Variants in MTMR14 observed in about 807,000 individuals in gnomAD.
MTMR14 encodes the protein phosphatidylinositol-3,5-bisphosphate 3-phosphatase MTMR14.
MTMR14 carries 48 observed loss-of-function variants against 86.3 expected under a neutral mutation model. The observed-to-expected ratio is 0.56, with a 90% CI of 0.44 to 0.71. The LOEUF is 0.71. Ranked by LOEUF, MTMR14 falls within the 30% of genes least tolerant of loss-of-function variation. The pLI, the probability that MTMR14 is intolerant of heterozygous loss-of-function variation, is 0.00. For missense variants in MTMR14, 780 were observed against 834.6 expected (o/e 0.93, Z 0.81); for synonymous variants, 366 against 326.1 (o/e 1.12, Z -1.32).
chr3:9,662,456 T>C (rs2047997086), intron 3 of MTMR14, 81 bp downstream of exon 3: 1 of 1,160,390 alleles, frequency 8.6e-7, no homozygotes, highest in African/African-American at 1.5e-5. Flanking sequence ...GGTCTTTTTT[T>C]CCCTCAACAT....
At chr3:9,650,309 C>T (rs953265168) in intron 1 of MTMR14, 1 of 456,384 alleles carries the variant, frequency 2.2e-6, no homozygotes, top group Non-Finnish European at 4.4e-6. Flanking sequence ...TTTTTGCTCC[C>T]TTTGGGATTT....
chr3:9,673,422 T>C (rs1574999360), intron 7 of MTMR14, among the ~76,000 whole-genome samples: 1 of 152,214 alleles, frequency 6.6e-6, no homozygotes, highest in African/African-American at 2.4e-5. Flanking sequence ...GTTGGTCTAG[T>C]GTGTAGCATT....
intron 1 of MTMR14, among the ~76,000 whole-genome samples, chr3:9,650,989 C>T (rs527938859): frequency 6.6e-6 from 1 of 152,260 alleles, no homozygotes; most frequent in South Asian, 2.1e-4. Flanking sequence ...GGAGTTTCCC[C>T]AGGTTGGCCA....
At chr3:9,664,851 G>C (rs1296961350) in intron 3 of MTMR14, among the ~76,000 whole-genome samples, 2 of 152,132 alleles carry the variant, frequency 1.3e-5, no homozygotes, top group African/African-American at 2.4e-5. Flanking sequence ...TAGTACAACA[G>C]GGTGACTGCA....
chr3:9,671,262 C>T, intron 6 of MTMR14, 92 bp downstream of exon 6: 1 of 1,568,978 alleles, frequency 6.4e-7, no homozygotes, highest in Non-Finnish European at 8.7e-7. Context: ...TGCGTGCTGG[C>T]CTTCTTACAA....
chr3:9,664,240 C>T (rs1291928670), intron 3 of MTMR14, among the ~76,000 whole-genome samples: 1 of 149,760 alleles, frequency 6.7e-6, no homozygotes, highest in East Asian at 1.9e-4. Context: ...ATTCGAAATA[C>T]TGCATACTAG....
intron 2 of MTMR14, among the ~76,000 whole-genome samples, chr3:9,658,689 A>G (rs140593413): frequency 1.2e-3 from 187 of 152,266 alleles, no homozygotes; most frequent in African/African-American, 3.7e-3. Context: ...TCATCTGTAA[A>G]ATTGGGTAAG....
intron 1 of MTMR14, 70 bp downstream of exon 1, chr3:9,649,812 C>T: frequency 1.3e-6 from 2 of 1,591,986 alleles, no homozygotes; most frequent in South Asian, 2.3e-5. Context: ...AGGCTGAGGC[C>T]AGGGGTCAGA....
intron 5 of MTMR14, 136 bp downstream of exon 5, chr3:9,669,628 C>A: frequency 1.1e-6 from 1 of 871,554 alleles, no homozygotes; most frequent in Non-Finnish European, 1.7e-6. Flanking sequence ...CTTCTGTCTG[C>A]CAAGTCTGTG....
chr3:9,690,321 T>C (rs115679775), intron 17 of MTMR14, among the ~76,000 whole-genome samples, 178 bp downstream of exon 17: 5,519 of 152,028 alleles, frequency 0.036, 156 homozygotes, highest in Non-Finnish European at 0.056. Flanking sequence ...ATTTGTAGAG[T>C]GGTTTGAGAC....
Position 9,680,824 on chromosome 3 carries a change from G to A in MTMR14, c.898-2354G>A, listed in dbSNP as rs183432091. On this transcript the variant is annotated intron_variant, in intron 9 of 18. Transcript: ENST00000296003. ...TACACTCCAGCCTGGGCGACAGAGC[G>A]AGACTCCGTCTCAAAAAAACAAACA... Among the ~76,000 whole-genome samples the A allele has an allele frequency of 2.8e-4, 42 of 152,086 alleles. 1 individual carries two copies. Among genetic ancestry groups the A allele is most frequent in the South Asian group, 8.3e-4 (4 of 4,830 alleles).
intron 6 of MTMR14, 84 bp from the exon 7 acceptor site, chr3:9,672,601 T>C: frequency 8.3e-7 from 1 of 1,208,798 alleles, no homozygotes; most frequent in Non-Finnish European, 1.2e-6. Flanking sequence ...AAGCTTCATT[T>C]GTGATTATAA....
intron 17 of MTMR14, among the ~76,000 whole-genome samples, chr3:9,696,672 T>G (rs1320042537): frequency 2.0e-5 from 3 of 152,128 alleles, no homozygotes; most frequent in Admixed American, 6.6e-5. Flanking sequence ...CGGTGACCAG[T>G]CGGGCTGTCA....
intron 15 of MTMR14, 73 bp from the exon 16 acceptor site, chr3:9,688,871 G>A: frequency 6.3e-7 from 1 of 1,598,442 alleles, no homozygotes; most frequent in Non-Finnish European, 8.6e-7. Context: ...TCCCAGTTAT[G>A]TGGTATAGAA....
intron 2 of MTMR14, among the ~76,000 whole-genome samples, chr3:9,657,316 C>T (rs545770764): frequency 1.1e-4 from 16 of 152,336 alleles, no homozygotes; most frequent in African/African-American, 2.6e-4. Context: ...CATATTCTAA[C>T]AAGCTCTCAG....
intron 13 of MTMR14, among the ~76,000 whole-genome samples, chr3:9,687,529 T>G (rs1213457802): frequency 6.6e-6 from 1 of 151,456 alleles, no homozygotes; most frequent in African/African-American, 2.4e-5. Context: ...CACTCCAGCC[T>G]GGGTGACAGA....
rs1323982567 is a variant in MTMR14, at chr3:9,697,777, G to A, written c.1680G>A (p.Thr560=). The A allele has an allele frequency of 3.7e-6, 6 of 1,613,912 alleles. No homozygotes were observed. Among genetic ancestry groups the A allele is most frequent in the African/African-American group, 2.7e-5 (2 of 74,906 alleles). Residue 560 remains threonine (T), a synonymous_variant, in exon 18 of 19, where the codon ACG becomes ACA. Coordinates refer to ENST00000296003, the MANE Select transcript of MTMR14 (RefSeq NM_001077525.3). ...ACTATGGCAGCTGGCAGATGGTAAC[G>A]GGCTGTGGCAGTATTCAGGAGCGGG... ...STDYGSWQMV[T]GCGSIQERAV...
At chr3:9,670,604 A>C (rs950471883) in intron 5 of MTMR14, among the ~76,000 whole-genome samples, 2 of 152,260 alleles carry the variant, frequency 1.3e-5, no homozygotes, top group Admixed American at 1.3e-4. Flanking sequence ...TATCTGTACA[A>C]GTATTTCAGA....
At chr3:9,667,372 G>A (rs2048312898) in intron 3 of MTMR14, among the ~76,000 whole-genome samples, 1 of 152,144 alleles carries the variant, frequency 6.6e-6, no homozygotes, top group Non-Finnish European at 1.5e-5. Flanking sequence ...GTCTGGGAAT[G>A]GGTTCATCAG....
Sources: allele counts gnomAD v4.1 joint callset (sites outside exome capture counted in the v4.1 genomes callset), GRCh38; gene constraint gnomAD v4.1.1; transcripts MANE v1.5; gene names NCBI Gene and HGNC (gene_info 2026-07-23, HGNC 2026-07-21).